The following DLC1 variants were observed in gnomAD, a reference collection of about 807,000 sequenced individuals.
DLC1 encodes DLC1 Rho GTPase activating protein.
Under a neutral mutation model 140.3 loss-of-function variants are expected in DLC1, and 54 were observed. That is an observed-to-expected ratio of 0.38 (90% CI 0.31 to 0.48). The LOEUF is 0.48. Among genes scored for constraint, DLC1 ranks in the 20% least tolerant of loss-of-function variants. The pLI is 0.96. For synonymous variants in DLC1, 986 were observed against 728.1 expected (o/e 1.35, Z -5.70); for missense variants, 2,536 against 1,907.0 (o/e 1.33, Z -6.14).
chr8:13,290,932 G>A (rs943952503), intron 5 of DLC1, among the ~76,000 whole-genome samples: 2 of 152,094 alleles, frequency 1.3e-5, no homozygotes, highest in African/African-American at 4.8e-5. Context: ...CTTTGAGATG[G>A]AGTTTCATTC....
At chr8:13,292,275 T>C (rs1831785014) in intron 5 of DLC1, among the ~76,000 whole-genome samples, 2 of 152,278 alleles carry the variant, frequency 1.3e-5, no homozygotes, top group South Asian at 4.1e-4. Flanking sequence ...TCCAGGCCAC[T>C]CCCTACATGT....
At chr8:13,583,424 T>C (rs922883425) in intron 1 of DLC1, among the ~76,000 whole-genome samples, 2 of 152,180 alleles carry the variant, frequency 1.3e-5, no homozygotes, top group Non-Finnish European at 2.9e-5. Context: ...TCTCACAAGA[T>C]TGCAGCAAGT....
chr8:13,372,904 C>T (rs1363610631), intron 4 of DLC1, among the ~76,000 whole-genome samples: 2 of 152,090 alleles, frequency 1.3e-5, no homozygotes, highest in Admixed American at 6.5e-5. Context: ...GATTTGAATG[C>T]CATCAAACAC....
intron 5 of DLC1, among the ~76,000 whole-genome samples, chr8:13,228,776 G>A (rs914493132): frequency 6.6e-6 from 1 of 152,226 alleles, no homozygotes; most frequent in Non-Finnish European, 1.5e-5. Flanking sequence ...AAAGGATCCG[G>A]ATAGACATTT....
intron 5 of DLC1, among the ~76,000 whole-genome samples, chr8:13,176,412 A>G (rs1246002809): frequency 1.3e-5 from 2 of 152,108 alleles, no homozygotes; most frequent in African/African-American, 2.4e-5. Flanking sequence ...CCCCGTCTCT[A>G]TTAAAAAATA....
chr8:13,516,756 A>T (rs1317994739), upstream of DLC1, among the ~76,000 whole-genome samples: 1 of 152,198 alleles, frequency 6.6e-6, no homozygotes, highest in Non-Finnish European at 1.5e-5. Context: ...ATTTATATTT[A>T]TATTCAAAGT....
chr8:13,244,729 C>A (rs1279586382), intron 5 of DLC1, among the ~76,000 whole-genome samples: 8 of 152,132 alleles, frequency 5.3e-5, no homozygotes, highest in Admixed American at 5.2e-4. Flanking sequence ...TCTCACCCAC[C>A]TTTCCTGAAT....
chr8:13,268,538 C>G (rs2117368145), intron 5 of DLC1, among the ~76,000 whole-genome samples: 1 of 152,296 alleles, frequency 6.6e-6, no homozygotes, highest in African/African-American at 2.4e-5. Flanking sequence ...GTGCATGCCA[C>G]CGTAGCTGCC....
intron 5 of DLC1, among the ~76,000 whole-genome samples, chr8:13,293,015 G>C (rs1436776627): frequency 2.6e-5 from 4 of 152,168 alleles, no homozygotes; most frequent in South Asian, 2.1e-4. Context: ...TTGGAGCCAG[G>C]AGTTTGAGAC....
chr8:13,408,963 A>G (rs1163936100), intron 2 of DLC1, among the ~76,000 whole-genome samples: 1 of 152,112 alleles, frequency 6.6e-6, no homozygotes, highest in Non-Finnish European at 1.5e-5. Context: ...ATGAACAACA[A>G]AAAAAGACAT....
At chr8:13,116,322 T>C in intron 5 of DLC1, 3 of 785,308 alleles carry the variant, frequency 3.8e-6, no homozygotes, top group Non-Finnish European at 4.6e-6. Context: ...GTAGATAGAA[T>C]CGATAAACAG....
At chr8:13,441,686 A>G (rs1798515700) in intron 2 of DLC1, among the ~76,000 whole-genome samples, 2 of 152,110 alleles carry the variant, frequency 1.3e-5, no homozygotes, top group African/African-American at 2.4e-5. Context: ...AGAACTACAA[A>G]CCACTGCTCA....
chr8:13,414,447 C>G (rs896165485), intron 2 of DLC1, among the ~76,000 whole-genome samples: 2 of 152,148 alleles, frequency 1.3e-5, no homozygotes, highest in African/African-American at 2.4e-5. Flanking sequence ...CCTGGCTTGA[C>G]CAATTTAATG....
chr8:13,506,229 A>T (rs1454817229), intron 1 of DLC1, among the ~76,000 whole-genome samples: 1 of 152,166 alleles, frequency 6.6e-6, no homozygotes, highest in Non-Finnish European at 1.5e-5. Context: ...ATGTAAACAC[A>T]CACATATATA....
chr8:13,316,811 C>T (rs919585), intron 4 of DLC1, among the ~76,000 whole-genome samples: 143,778 of 152,250 alleles, frequency 0.94, 68,426 homozygotes, highest in East Asian at 1. Context: ...CAACTGACTG[C>T]AGTATCCCTT....
At chr8:13,413,868 G>C (rs1837924443) in intron 2 of DLC1, among the ~76,000 whole-genome samples, 1 of 152,104 alleles carries the variant, frequency 6.6e-6, no homozygotes. Context: ...GTCTCAAGTA[G>C]TATCTGTATA....
chr8:13,126,015 G>T (rs994250142), intron 5 of DLC1, among the ~76,000 whole-genome samples: 1 of 151,942 alleles, frequency 6.6e-6, no homozygotes, highest in Non-Finnish European at 1.5e-5. Context: ...TAGTACAAGA[G>T]TTTGCAAAGT....
intron 5 of DLC1, chr8:13,132,998 G>A (rs780910664): frequency 2.1e-5 from 34 of 1,608,610 alleles, no homozygotes; most frequent in Non-Finnish European, 2.9e-5. Flanking sequence ...GGCAGGCGGC[G>A]GCGGAAGCGC....
intron 1 of DLC1, among the ~76,000 whole-genome samples, chr8:13,591,455 G>A (rs1314767701): frequency 1.3e-5 from 2 of 152,072 alleles, no homozygotes; most frequent in Non-Finnish European, 2.9e-5. Context: ...CTGCCACCTT[G>A]TGAAGAAGAA....
Sources: allele counts gnomAD v4.1 joint callset (sites outside exome capture counted in the v4.1 genomes callset), GRCh38; gene constraint gnomAD v4.1.1; transcripts MANE v1.5; gene names NCBI Gene and HGNC (gene_info 2026-07-23, HGNC 2026-07-21).